DLG2: variants seen among roughly 807,000 people sequenced by gnomAD.
The protein encoded by DLG2 is disks large homolog 2.
Under a neutral mutation model 132.5 loss-of-function variants are expected in DLG2, and 45 were observed. The observed-to-expected ratio is 0.34, with a 90% CI of 0.27 to 0.44. The LOEUF (loss-of-function observed/expected upper bound fraction) is 0.44, where lower values mean the gene tolerates loss of function less well. Ranked by LOEUF, DLG2 falls within the 20% of genes least tolerant of loss-of-function variation. The pLI is 1.00. For synonymous variants in DLG2, 424 were observed against 419.6 expected, an observed-to-expected ratio of 1.01 and a Z score of -0.13; for missense variants, 1,045 against 1,196.9, an observed-to-expected ratio of 0.87 and a Z score of 1.87.
At chr11:84,402,881 C>CAAAAAAAAAAAAA (rs34476380) in intron 7 of DLG2, among the ~76,000 whole-genome samples, 2,123 of 73,674 alleles carry the variant, frequency 0.029, 243 homozygotes, top group African/African-American at 0.067. Flanking sequence ...AACTCCGTCT[C>CAAAAAAAAAAAAA]AAAAAAAAAA....
intron 10 of DLG2, among the ~76,000 whole-genome samples, chr11:84,067,892 G>C (rs1041650435): frequency 6.6e-6 from 1 of 152,110 alleles, no homozygotes; most frequent in Non-Finnish European, 1.5e-5. Context: ...ATCTGATATG[G>C]GCCAATGTAG....
In DLG2 at chr11:83,801,456, T is replaced by C. The variant is rs140587367; in HGVS notation, c.1723-14664A>G. On this transcript the variant is annotated intron_variant, in intron 17 of 27. Transcript: ENST00000376104. ...TTTCCTCGGGCTCTGCCTATCCCTCTTATTCCATCTTATTCCACTCTGTCT... is the reference window on the plus strand; with the variant it reads ...TTTCCTCGGGCTCTGCCTATCCCTCCTATTCCATCTTATTCCACTCTGTCT... Among the ~76,000 whole-genome samples, 440 of 152,314 alleles carry C rather than the reference T, an allele frequency of 2.9e-3. 13 individuals carry two copies. The highest frequency in any genetic ancestry group is 0.027 in the Admixed American group (409 of 15,288).
chr11:83,834,444 G>T (rs1284555565), intron 16 of DLG2, among the ~76,000 whole-genome samples: 1 of 152,112 alleles, frequency 6.6e-6, no homozygotes, highest in Non-Finnish European at 1.5e-5. Context: ...CAACATGAGA[G>T]AGGAAATTTG....
At chr11:84,105,650 T>C (rs1300092112) in intron 9 of DLG2, among the ~76,000 whole-genome samples, 2 of 152,126 alleles carry the variant, frequency 1.3e-5, no homozygotes, top group African/African-American at 2.4e-5. Flanking sequence ...AGTACTAAAT[T>C]TGGGGTAAAG....
intron 7 of DLG2, among the ~76,000 whole-genome samples, chr11:84,307,757 G>A (rs2098239898): frequency 1.3e-5 from 2 of 150,996 alleles, no homozygotes; most frequent in African/African-American, 2.5e-5. Flanking sequence ...AGTTCTTAAA[G>A]GCGGCGTGTC....
intron 10 of DLG2, among the ~76,000 whole-genome samples, chr11:84,097,402 G>C (rs1210742027): frequency 1.3e-5 from 2 of 152,024 alleles, no homozygotes; most frequent in African/African-American, 4.8e-5. Flanking sequence ...AGTCCCTTCA[G>C]CCAGAATTCC....
At chr11:84,777,385 TTGTGAATAGTGC>T (rs1475418030) in intron 6 of DLG2, among the ~76,000 whole-genome samples, 1 of 148,164 alleles carries the variant, frequency 6.7e-6, no homozygotes, top group African/African-American at 2.5e-5. Flanking sequence ...ATCTTTGCTA[TTGTGAATAGTGC>T]TGTGATAAAC....
intron 18 of DLG2, among the ~76,000 whole-genome samples, chr11:83,650,680 C>G (rs545339142): frequency 6.6e-6 from 1 of 152,170 alleles, no homozygotes; most frequent in Non-Finnish European, 1.5e-5. Context: ...ACATATTCCT[C>G]TTGCTTTAAA....
intron 4 of DLG2, among the ~76,000 whole-genome samples, chr11:85,180,036 C>G (rs1172999351): frequency 6.6e-6 from 1 of 151,854 alleles, no homozygotes; most frequent in Non-Finnish European, 1.5e-5. Flanking sequence ...CCATTCTATT[C>G]TGCTAAGACT....
intron 15 of DLG2, among the ~76,000 whole-genome samples, chr11:83,889,707 C>G (rs550600809): frequency 1.3e-5 from 2 of 151,954 alleles, no homozygotes; most frequent in Non-Finnish European, 2.9e-5. Context: ...TTGGAACCAA[C>G]CCAAATGTCC....
intron 7 of DLG2, chr11:84,316,751 G>C: frequency 6.9e-7 from 1 of 1,452,324 alleles, no homozygotes; most frequent in South Asian, 1.4e-5. Context: ...AAGTTTCCAA[G>C]CCATTCTAAC....
chr11:84,383,948 T>C lies in DLG2; in HGVS notation c.520-132657A>G, dbSNP rs2098758325. ...ATTAACAGCCCAAGATGCTTTTCATTGGGCTCCTACTGCACTTTTCACATA... is the reference window on the plus strand; with the variant it reads ...ATTAACAGCCCAAGATGCTTTTCATCGGGCTCCTACTGCACTTTTCACATA... On this transcript the variant is annotated intron_variant, in intron 7 of 27. Coordinates refer to ENST00000376104, the MANE Select transcript of DLG2 (RefSeq NM_001142699.3). Among the ~76,000 whole-genome samples, 4 of 151,846 alleles carry C rather than the reference T, an allele frequency of 2.6e-5. No individual in the cohort carries two copies. The South Asian group carries it at 8.4e-4, about 32-fold the overall frequency.
chr11:83,938,781 T>A (rs112611880), intron 14 of DLG2, among the ~76,000 whole-genome samples: 1,937 of 152,316 alleles, frequency 0.013, 21 homozygotes, highest in Non-Finnish European at 0.019. Flanking sequence ...ACTTATTTAA[T>A]CTACTTTAGG....
At chr11:84,359,033 T>C (rs550000173) in intron 7 of DLG2, among the ~76,000 whole-genome samples, 106 of 152,000 alleles carry the variant, frequency 7.0e-4, no homozygotes, top group African/African-American at 2.6e-3. Flanking sequence ...TATGAGTATA[T>C]ATAACAACAG....
chr11:85,499,363 A>G (rs2093741909), intron 3 of DLG2, among the ~76,000 whole-genome samples: 1 of 152,102 alleles, frequency 6.6e-6, no homozygotes. Context: ...GGATAAATTC[A>G]TGGATAAATA....
chr11:85,484,293 A>G (rs2093375002), intron 3 of DLG2, among the ~76,000 whole-genome samples: 1 of 122,406 alleles, frequency 8.2e-6, no homozygotes, highest in Non-Finnish European at 1.7e-5. Context: ...AGGCATGGGC[A>G]AAGACTTCAT....
At chr11:84,370,737 GCGTTATAGGTT>G (rs1429403861) in intron 7 of DLG2, among the ~76,000 whole-genome samples, 3 of 152,092 alleles carry the variant, frequency 2.0e-5, no homozygotes, top group South Asian at 4.2e-4. Flanking sequence ...TTAGGTCTCT[GCGTTATAGGTT>G]CGTTATAGGC....
intron 19 of DLG2, among the ~76,000 whole-genome samples, chr11:83,544,048 AC>A (rs1301694717): frequency 2.0e-5 from 3 of 152,168 alleles, no homozygotes; most frequent in African/African-American, 7.2e-5. Context: ...CCCCCAGTAA[AC>A]CTGGACATTG....
chr11:83,870,354 A>T (rs1217577859), intron 16 of DLG2, among the ~76,000 whole-genome samples: 3 of 152,224 alleles, frequency 2.0e-5, no homozygotes, highest in Non-Finnish European at 2.9e-5. Context: ...ATAAGTGAGA[A>T]TATGTGGCAT....
Sources: gnomAD v4.1 joint callset for allele counts (sites outside exome capture counted in the v4.1 genomes callset) on GRCh38, gnomAD v4.1.1 for gene constraint, MANE v1.5 for transcripts, NCBI Gene and HGNC (gene_info 2026-07-23, HGNC 2026-07-21) for gene names.